TSPAN9: variants seen among roughly 807,000 people sequenced by gnomAD.
TSPAN9 encodes tetraspanin-9.
A neutral mutation model predicts 31.0 loss-of-function variants in TSPAN9; 16 were observed. That is an observed-to-expected ratio of 0.52 (90% CI 0.35 to 0.78). The LOEUF is 0.78. TSPAN9 is among the 30% of genes least tolerant of loss of function. The pLI, the probability that TSPAN9 is intolerant of heterozygous loss-of-function variation, is 0.01. For missense variants in TSPAN9, 272 were observed against 312.5 expected (o/e 0.87, Z 0.98); for synonymous variants, 145 against 121.6 (o/e 1.19, Z -1.27).
chr12:3,161,339 A>G (rs183706321), intron 2 of TSPAN9, among the ~76,000 whole-genome samples: 92 of 152,314 alleles, frequency 6.0e-4, no homozygotes, highest in African/African-American at 2.1e-3. Context: ...AAAGAGTTAC[A>G]CCTATCTTGT....
At chr12:3,250,863 C>T (rs1862233994) in intron 3 of TSPAN9, among the ~76,000 whole-genome samples, 1 of 152,226 alleles carries the variant, frequency 6.6e-6, no homozygotes, top group Non-Finnish European at 1.5e-5. Context: ...GCAGCCTGCC[C>T]TGAGGAAGGG....
intron 3 of TSPAN9, among the ~76,000 whole-genome samples, chr12:3,208,809 G>C (rs1054889848): frequency 6.6e-6 from 1 of 152,228 alleles, no homozygotes; most frequent in Non-Finnish European, 1.5e-5. Context: ...GCTTCTGCCT[G>C]AGAGAGCACC....
chr12:3,253,305 GAACAAAGTAAT>G (rs1204914347), intron 3 of TSPAN9, among the ~76,000 whole-genome samples: 2 of 152,262 alleles, frequency 1.3e-5, no homozygotes, highest in African/African-American at 4.8e-5. Flanking sequence ...CCGGCTCAGT[GAACAAAGTAAT>G]AACAATCACT....
intron 2 of TSPAN9, chr12:3,199,881 A>C (rs1473407738): frequency 1.3e-5 from 2 of 152,390 alleles, no homozygotes; most frequent in Non-Finnish European, 2.9e-5. Context: ...CGTGTGTGTG[A>C]GAGTGTGTGT....
At chr12:3,246,347 C>T (rs1862127007) in intron 3 of TSPAN9, among the ~76,000 whole-genome samples, 1 of 152,104 alleles carries the variant, frequency 6.6e-6, no homozygotes, top group South Asian at 2.1e-4. Context: ...GGACCAATAT[C>T]CAAACTCTAT....
At chr12:3,103,770 C>A (rs1448066055) in intron 2 of TSPAN9, among the ~76,000 whole-genome samples, 1 of 152,164 alleles carries the variant, frequency 6.6e-6, no homozygotes, top group African/African-American at 2.4e-5. Context: ...TTGGTTCACA[C>A]TAAGTGTCCT....
chr12:3,093,004 G>A (rs1360505609), intron 2 of TSPAN9, among the ~76,000 whole-genome samples: 1 of 152,214 alleles, frequency 6.6e-6, no homozygotes, highest in Non-Finnish European at 1.5e-5. Flanking sequence ...TTCCTGCGAG[G>A]AGCTCACGTT....
At chr12:3,262,563 T>C (rs1010304879) in intron 3 of TSPAN9, among the ~76,000 whole-genome samples, 1 of 152,142 alleles carries the variant, frequency 6.6e-6, no homozygotes, top group Admixed American at 6.5e-5. Flanking sequence ...CCCTGCCGTT[T>C]GCCCTTTATG....
In TSPAN9 at chr12:3,170,334, A is replaced by G. The variant is rs963502298; in HGVS notation, c.-17-30843A>G. 5.3e-5 allele frequency among the ~76,000 whole-genome samples: 8 copies of G among 152,134 alleles called. No individual in the cohort carries two copies. The highest frequency in any genetic ancestry group is 2.0e-4 in the Admixed American group (3 of 15,264). On this transcript the variant is annotated intron_variant, in intron 2 of 8. Coordinates refer to ENST00000011898, the MANE Select transcript of TSPAN9 (RefSeq NM_006675.5). This position sits in a 1 kb window ranked among gnomAD's most constrained non-coding sequence, Gnocchi z 4.4. The stretch of plus-strand genomic sequence containing the variant: ...TTGCAGTTACTCCAGTTTTATACCT[A>G]TAGCCCAAACTCCTGCGTTGGACAC...
At chr12:3,216,670 C>G (rs909762863) in intron 3 of TSPAN9, among the ~76,000 whole-genome samples, 2 of 152,230 alleles carry the variant, frequency 1.3e-5, no homozygotes, top group African/African-American at 4.8e-5. Flanking sequence ...CCTGGAAGCC[C>G]GTTTGTCACA....
chr12:3,111,919 C>T (rs1245885763), intron 2 of TSPAN9, among the ~76,000 whole-genome samples: 4 of 152,068 alleles, frequency 2.6e-5, no homozygotes, highest in Non-Finnish European at 5.9e-5. Context: ...GCTGCATTAC[C>T]TTTTTTACTC....
chr12:3,233,967 C>G (rs7139181), intron 3 of TSPAN9, among the ~76,000 whole-genome samples: 35,357 of 152,062 alleles, frequency 0.23, 4,463 homozygotes, highest in South Asian at 0.4. Flanking sequence ...ACTCCCATCT[C>G]GGAGCCCCCA....
chr12:3,253,279 C>T (rs1164190880), intron 3 of TSPAN9, among the ~76,000 whole-genome samples: 1 of 152,236 alleles, frequency 6.6e-6, no homozygotes, highest in Non-Finnish European at 1.5e-5. Context: ...CATTAAATTG[C>T]TTAGGAGGCT....
intron 3 of TSPAN9, among the ~76,000 whole-genome samples, chr12:3,229,226 C>T (rs1015131781): frequency 1.3e-5 from 2 of 152,178 alleles, no homozygotes; most frequent in African/African-American, 4.8e-5. Flanking sequence ...GGTCCCATTT[C>T]GGGCCCAGAG....
chr12:3,241,541 A>G (rs2098396582), intron 3 of TSPAN9, among the ~76,000 whole-genome samples: 1 of 152,248 alleles, frequency 6.6e-6, no homozygotes, highest in African/African-American at 2.4e-5. Flanking sequence ...TCATATGACC[A>G]GAAGGACATC....
chr12:3,269,337 TCC>T (rs1862621759), intron 3 of TSPAN9, among the ~76,000 whole-genome samples: 2 of 43,608 alleles, frequency 4.6e-5, no homozygotes, highest in Non-Finnish European at 9.3e-5. Flanking sequence ...CAGCCTGCCC[TCC>T]CTGTGTTCCT....
chr12:3,081,830 G>GTATATATATATA (rs755307321), intron 1 of TSPAN9, among the ~76,000 whole-genome samples: 10 of 38,294 alleles, frequency 2.6e-4, no homozygotes, highest in African/African-American at 1.3e-3. Context: ...GTGTGTGTGT[G>GTATATATATATA]TGTGTCTGTG....
At chr12:3,210,920 AT>A (rs138523066) in intron 3 of TSPAN9, among the ~76,000 whole-genome samples, 1 of 151,654 alleles carries the variant, frequency 6.6e-6, no homozygotes, top group Non-Finnish European at 1.5e-5. Flanking sequence ...TAATTTTTGT[AT>A]TTTTTGTAAA....
At chr12:3,183,263 G>A (rs890176826) in intron 2 of TSPAN9, among the ~76,000 whole-genome samples, 2 of 152,208 alleles carry the variant, frequency 1.3e-5, no homozygotes, top group Non-Finnish European at 2.9e-5. Context: ...ATGGGCTTGG[G>A]CTGAACAGAG....
Sources: allele counts gnomAD v4.1 joint callset (sites outside exome capture counted in the v4.1 genomes callset), GRCh38; gene constraint gnomAD v4.1.1; non-coding constraint Gnocchi (gnomAD v3.1); transcripts MANE v1.5; gene names NCBI Gene and HGNC (gene_info 2026-07-23, HGNC 2026-07-21).